SEPTIN11: variants seen among roughly 807,000 people sequenced by gnomAD.
SEPTIN11 encodes the protein septin-11.
SEPTIN11 carries 25 observed loss-of-function variants against 51.4 expected under a neutral mutation model. The ratio of observed to expected loss-of-function variants is 0.49; its 90% CI spans 0.35 to 0.68. SEPTIN11 has a LOEUF of 0.68. Ranked by LOEUF, SEPTIN11 falls within the 30% of genes least tolerant of loss-of-function variation. The pLI is 0.00. For missense variants in SEPTIN11, 381 were observed against 520.8 expected, an observed-to-expected ratio of 0.73 and a Z score of 2.61; for synonymous variants, 174 against 184.1, an observed-to-expected ratio of 0.95 and a Z score of 0.44.
Position 77,036,014 on chromosome 4 carries a change from G to A in SEPTIN11, c.*1502G>A. 1.0e-6 allele frequency: 1 copy of A among 985,914 alleles called. No individual in the cohort carries two copies. The highest frequency in any genetic ancestry group is 4.7e-5 in the South Asian group (1 of 21,290). The allele number at this position is 985,914 out of a possible 1,614,324, so 61.1% of individuals were successfully genotyped here. On this transcript the variant is annotated 3_prime_UTR_variant, in exon 10 of 10. Coordinates refer to ENST00000264893, the MANE Select transcript of SEPTIN11 (RefSeq NM_018243.4). ...GGATAGAATATGCTGCGTCTCCCCT[G>A]ACACACACTTTCTTTTTTGAATGAG...
intron 7 of SEPTIN11, among the ~76,000 whole-genome samples, chr4:77,022,185 AAAATATTTGT>A (rs1725765828): frequency 6.6e-6 from 1 of 152,218 alleles, no homozygotes; most frequent in Non-Finnish European, 1.5e-5. Flanking sequence ...AGTATTACAT[AAAATATTTGT>A]TTTCATGCAA....
intron 2 of SEPTIN11, among the ~76,000 whole-genome samples, chr4:76,999,159 C>T (rs935666438): frequency 1.3e-5 from 2 of 152,178 alleles, no homozygotes; most frequent in Non-Finnish European, 2.9e-5. Flanking sequence ...TTTTCCATAA[C>T]CCTTTGGAGC....
At chr4:77,033,494 T>C (rs1726819493) in intron 9 of SEPTIN11, among the ~76,000 whole-genome samples, 1 of 152,232 alleles carries the variant, frequency 6.6e-6, no homozygotes, top group Non-Finnish European at 1.5e-5. Flanking sequence ...CTCCTTGACC[T>C]GTAGTGGCAT....
In SEPTIN11 at chr4:77,016,633, C is replaced by T. The variant is rs867585092; in HGVS notation, c.687+1616C>T. 2.0e-3 allele frequency among the ~76,000 whole-genome samples: 142 copies of T among 72,692 alleles called. 1 individual carries two copies. Among genetic ancestry groups the T allele is most frequent in the African/African-American group, 4.5e-3 (86 of 19,066 alleles). The allele number at this position is 72,692 out of a possible 152,430, so 47.7% of individuals were successfully genotyped here. A position where few individuals can be genotyped will look rare whatever the true frequency, so the allele number is the denominator to read the frequency against. On this transcript the variant is annotated intron_variant, in intron 5 of 9. Coordinates refer to ENST00000264893, the MANE Select transcript of SEPTIN11 (RefSeq NM_018243.4). ...ATATACACATATATATATATATACA[C>T]ATATATATATATATATATATATACA...
In SEPTIN11 at chr4:77,034,356, T is replaced by C. The variant is rs973988795; in HGVS notation, c.1275-141T>C. On this transcript the variant is annotated intron_variant, in intron 9 of 9. Transcript: ENST00000264893. The stretch of plus-strand genomic sequence containing the variant: ...TCATGTAGAGTAGCCTTCTCAAATT[T>C]TTGGTTTTAATTTCTGTCAATTCCA... 1.3e-5 allele frequency: 9 copies of C among 687,194 alleles called. No homozygotes were observed. The African/African-American group carries it at 1.7e-4, about 13-fold the overall frequency. 42.6% of individuals were successfully genotyped at this position (687,194 alleles called of 1,614,324 possible). A position where few individuals can be genotyped will look rare whatever the true frequency, so the allele number is the denominator to read the frequency against.
chr4:77,017,610 A>G (rs1000821288), intron 5 of SEPTIN11, among the ~76,000 whole-genome samples: 1 of 152,210 alleles, frequency 6.6e-6, no homozygotes, highest in Non-Finnish European at 1.5e-5. Flanking sequence ...TGAGCGTCCA[A>G]CAAAATGCTA....
chr4:76,955,922 G>A (rs577623788), intron 1 of SEPTIN11, among the ~76,000 whole-genome samples: 1 of 152,164 alleles, frequency 6.6e-6, no homozygotes, highest in Non-Finnish European at 1.5e-5. Context: ...AGTGTGGTGG[G>A]GCTGGGGGGG....
At chr4:77,034,315 A>G (rs1726882995) in intron 9 of SEPTIN11, among the ~76,000 whole-genome samples, 182 bp from the exon 10 acceptor site, 1 of 152,190 alleles carries the variant, frequency 6.6e-6, no homozygotes, top group Non-Finnish European at 1.5e-5. Flanking sequence ...TCAGTATTAA[A>G]TTTTGCTTTG....
At chr4:77,027,025 A>T (rs1212143132) in intron 7 of SEPTIN11, among the ~76,000 whole-genome samples, 1 of 152,222 alleles carries the variant, frequency 6.6e-6, no homozygotes, top group Non-Finnish European at 1.5e-5. Flanking sequence ...TGGAAACTCA[A>T]AACACTTGAT....
At chr4:77,019,065 C>A in intron 5 of SEPTIN11, 100 bp from the exon 6 acceptor site, 1 of 1,111,930 alleles carries the variant, frequency 9.0e-7, no homozygotes. Context: ...CCCTTGTCAC[C>A]AAGTAGAGGC....
At chr4:77,012,634 A>G (rs1724960092) in intron 4 of SEPTIN11, among the ~76,000 whole-genome samples, 1 of 152,238 alleles carries the variant, frequency 6.6e-6, no homozygotes, top group African/African-American at 2.4e-5. Context: ...GTCTTATCAG[A>G]TGATAAAGCT....
chr4:77,036,912 ATT>A lies in SEPTIN11; in HGVS notation c.*2409_*2410del. The A allele has an allele frequency of 7.7e-7, 1 of 1,299,852 alleles. No individual in the cohort carries two copies. Among genetic ancestry groups the A allele is most frequent in the Non-Finnish European group, 9.8e-7 (1 of 1,021,162 alleles). 80.5% of individuals were successfully genotyped at this position (1,299,852 alleles called of 1,614,324 possible). ...TAGAGAAAGCAAATGGGATGGATAG[ATT>A]TTTTTTTTCTTTTCAAGGGGGGCAG... On this transcript the variant is annotated 3_prime_UTR_variant, in exon 10 of 10. Coordinates refer to ENST00000264893, the MANE Select transcript of SEPTIN11 (RefSeq NM_018243.4).
At chr4:77,027,711 G>C (rs1726278965) in intron 7 of SEPTIN11, among the ~76,000 whole-genome samples, 1 of 152,142 alleles carries the variant, frequency 6.6e-6, no homozygotes, top group African/African-American at 2.4e-5. Flanking sequence ...GACAAAGAGA[G>C]AAATAGCACT....
chr4:76,974,296 T>C (rs1158428825), intron 1 of SEPTIN11, among the ~76,000 whole-genome samples: 1 of 152,218 alleles, frequency 6.6e-6, no homozygotes, highest in Non-Finnish European at 1.5e-5. Flanking sequence ...GCCATGGTAC[T>C]GGTCCACTAT....
chr4:76,968,031 T>C (rs1042876028), intron 1 of SEPTIN11, among the ~76,000 whole-genome samples: 2 of 152,112 alleles, frequency 1.3e-5, no homozygotes, highest in African/African-American at 4.8e-5. Flanking sequence ...TTCTAGAGTG[T>C]GTGGTAGCCA....
At position 77,005,626 on chromosome 4, in the gene SEPTIN11, G is replaced by A. The variant is rs371931399; in HGVS notation, c.168G>A (p.Thr56=). The A allele has an allele frequency of 2.5e-6, 4 of 1,613,822 alleles. No homozygotes were observed. Among genetic ancestry groups the A allele is most frequent in the East Asian group, 2.2e-5 (1 of 44,862 alleles). The change falls in exon 3 of 10, where the codon ACG becomes ACA. Residue 56 remains threonine, a synonymous_variant. Coordinates refer to ENST00000264893, the MANE Select transcript of SEPTIN11 (RefSeq NM_018243.4). ...CVGETGIGKS[T]LMDTLFNTKF... Reference sequence around the variant, plus strand: ...GTGAGACAGGCATTGGCAAATCCACGTTAATGGACACTTTGTTCAACACCA... The same window carrying A: ...GTGAGACAGGCATTGGCAAATCCACATTAATGGACACTTTGTTCAACACCA...
chr4:76,976,163 C>G (rs76496578), intron 1 of SEPTIN11, among the ~76,000 whole-genome samples: 4,265 of 152,200 alleles, frequency 0.028, 98 homozygotes, highest in East Asian at 0.11. Context: ...AAAGAAACCT[C>G]TGGTTTTTAG....
downstream of SEPTIN11, chr4:77,039,578 G>A (rs1727250099): frequency 2.0e-6 from 2 of 985,254 alleles, no homozygotes; most frequent in Non-Finnish European, 2.4e-6. Flanking sequence ...CAACCGTCAG[G>A]TCATAAGATC....
intron 8 of SEPTIN11, among the ~76,000 whole-genome samples, chr4:77,029,104 C>T (rs1021882162): frequency 1.3e-5 from 2 of 152,160 alleles, no homozygotes; most frequent in South Asian, 2.1e-4. Context: ...TGGGATTCTG[C>T]GACTATTATT....
Sources: gnomAD v4.1 joint callset for allele counts (sites outside exome capture counted in the v4.1 genomes callset) on GRCh38, gnomAD v4.1.1 for gene constraint, MANE v1.5 for transcripts, NCBI Gene and HGNC (gene_info 2026-07-23, HGNC 2026-07-21) for gene names.